GOLGA3: variants seen among roughly 807,000 people sequenced by gnomAD.
GOLGA3 encodes the protein golgin subfamily A member 3.
GOLGA3 carries 75 observed loss-of-function variants against 169.4 expected under a neutral mutation model. The observed-to-expected ratio is 0.44, with a 90% CI of 0.37 to 0.54. The LOEUF (loss-of-function observed/expected upper bound fraction) is 0.54, where lower values mean the gene tolerates loss of function less well. Among genes scored for constraint, GOLGA3 ranks in the 20% least tolerant of loss-of-function variants. The pLI is 0.00. For synonymous variants in GOLGA3, 824 were observed against 822.4 expected (o/e 1.00, Z -0.03); for missense variants, 1,899 against 1,930.0 (o/e 0.98, Z 0.30).
chr12:132,772,553 A>AAAAC lies in GOLGA3; in HGVS notation c.*551_*552insGTTT, dbSNP rs1555247690. On this transcript the variant is annotated 3_prime_UTR_variant, in exon 24 of 24. Transcript: ENST00000450791. ...AGCGAGACTCTGTCTCAAAAAAAAA[A>AAAAC]AAAAAAAAAAAACAAAGATTGGATT... is the stretch of plus-strand genomic sequence containing the variant. 5.9e-5 allele frequency: 9 copies of AAAAC among 151,366 alleles called. 1 individual carries two copies. The highest frequency in any genetic ancestry group is 1.5e-4 in the African/African-American group (6 of 40,950). The allele number at this position is 151,366 out of a possible 1,614,324, so 9.4% of individuals were successfully genotyped here.
At position 132,798,459 on chromosome 12, in the gene GOLGA3, C is replaced by T. The variant is rs750930512; in HGVS notation, c.1819G>A (p.Ala607Thr). 6 of 1,609,310 alleles carry T rather than the reference C, an allele frequency of 3.7e-6. No individual in the cohort carries two copies. In the Admixed American group the frequency reaches 1.0e-4, roughly 27 times the overall value. ...AHIQVGQMTQ[A>T]GLLEHLKLEN... ...AGTTTCAGGTGCTCCAGGAGACCTG[C>T]CTGGGTCATCTGTCCAACCTTAAAA... is the stretch of plus-strand genomic sequence containing the variant. The change falls in exon 9 of 24, where the codon GCA (alanine) becomes ACA (threonine). Residue 607 changes from alanine (A) to threonine (T), a missense_variant. Ala to Thr is a moderately conservative substitution (Grantham distance 58). Coordinates refer to ENST00000450791, the MANE Select transcript of GOLGA3 (RefSeq NM_001389683.1).
In GOLGA3 at chr12:132,804,665, A is replaced by G; in HGVS notation, c.1597+51T>C. The G allele has an allele frequency of 6.9e-7, 1 of 1,451,238 alleles. No individual in the cohort carries two copies. Among genetic ancestry groups the G allele is most frequent in the Non-Finnish European group, 9.5e-7 (1 of 1,049,548 alleles). The allele number at this position is 1,451,238 out of a possible 1,614,324, so 89.9% of individuals were successfully genotyped here. ...GGGGCCAGTCGAGGAAGGAGGAGGG[A>G]GCAGCAGGGACCAGTCAGGGAGGGG... On this transcript the variant is annotated intron_variant, in intron 7 of 23. Coordinates refer to ENST00000450791, the MANE Select transcript of GOLGA3 (RefSeq NM_001389683.1). This position sits in a 1 kb window ranked among gnomAD's most constrained non-coding sequence, Gnocchi z 4.1.
intron 3 of GOLGA3, among the ~76,000 whole-genome samples, chr12:132,814,639 C>T (rs1949876072): frequency 1.3e-5 from 2 of 152,236 alleles, no homozygotes; most frequent in South Asian, 4.1e-4. Context: ...TCTGGCGGTA[C>T]TCAAATGGCT....
At chr12:132,788,917 A>ACCGACCCCGCCC in intron 13 of GOLGA3, 110 bp downstream of exon 13, 1 of 311,264 alleles carries the variant, frequency 3.2e-6, no homozygotes, top group South Asian at 4.2e-5. Context: ...CCCGACCCAG[A>ACCGACCCCGCCC]CAGACCCCGC....
At chr12:132,776,042 T>G (rs955506979) in intron 21 of GOLGA3, among the ~76,000 whole-genome samples, 1 of 152,322 alleles carries the variant, frequency 6.6e-6, no homozygotes, top group African/African-American at 2.4e-5. Flanking sequence ...AGCGCCCCAC[T>G]GGACGAGGGC....
chr12:132,815,366 C>T (rs1949911464), intron 3 of GOLGA3, among the ~76,000 whole-genome samples: 1 of 152,204 alleles, frequency 6.6e-6, no homozygotes. Context: ...GTAGACCCAG[C>T]GCTGCTGCCC....
At chr12:132,813,720 CCTTTT>C (rs1475996623) in intron 3 of GOLGA3, among the ~76,000 whole-genome samples, 12 of 109,940 alleles carry the variant, frequency 1.1e-4, no homozygotes, top group Non-Finnish European at 2.1e-4. Context: ...GCAGCAAGTG[CCTTTT>C]TTTTTTTTTT....
At chr12:132,776,882 C>T (rs1566068434) in intron 20 of GOLGA3, 76 bp downstream of exon 20, 5 of 1,545,406 alleles carry the variant, frequency 3.2e-6, no homozygotes, top group Non-Finnish European at 4.4e-6. Context: ...CTGTTGCTCC[C>T]CAAGCAGGAT....
intron 11 of GOLGA3, among the ~76,000 whole-genome samples, chr12:132,794,892 T>A (rs968494337): frequency 1.3e-5 from 2 of 152,230 alleles, no homozygotes; most frequent in Middle Eastern, 3.4e-3. Flanking sequence ...TTGATCCTTA[T>A]AGAGTGGGAT....
chr12:132,827,628 T>C (rs1268940485), intron 1 of GOLGA3: 2 of 152,196 alleles, frequency 1.3e-5, no homozygotes, highest in African/African-American at 4.8e-5. Flanking sequence ...TGCTACTTCT[T>C]AAGGCAATCG....
chr12:132,791,234 T>C lies in GOLGA3; in HGVS notation c.2529A>G (p.Glu843=), dbSNP rs1254038877. Residue 843 remains glutamate (E), a synonymous_variant, in exon 12 of 24, where the codon GAA becomes GAG. Coordinates refer to ENST00000450791, the MANE Select transcript of GOLGA3 (RefSeq NM_001389683.1). ...ALKKQMQKIK[E]QFLQQKVMVE... ...TTTTTACCTTTTGTTGGAGAAACTG[T>C]TCCTTTATTTTTTGCATTTGCTTTT... 4 of 1,599,796 alleles carry C rather than the reference T, an allele frequency of 2.5e-6. No homozygotes were observed. The South Asian group carries it at 4.4e-5, about 18-fold the overall frequency.
intron 15 of GOLGA3, among the ~76,000 whole-genome samples, chr12:132,784,554 GAAGA>G (rs1159359422): frequency 6.6e-6 from 1 of 152,218 alleles, no homozygotes; most frequent in Admixed American, 6.5e-5. Flanking sequence ...CAAAAATACA[GAAGA>G]AAATCTGACC....
At chr12:132,778,362 C>CAGG (rs1477705423) in intron 18 of GOLGA3, among the ~76,000 whole-genome samples, 1 of 152,216 alleles carries the variant, frequency 6.6e-6, no homozygotes, top group South Asian at 2.1e-4. Context: ...ATCACGAGGT[C>CAGG]AGATCGAGAC....
chr12:132,807,774 C>CCCCAG, intron 5 of GOLGA3, 117 bp downstream of exon 5: 1 of 209,436 alleles, frequency 4.8e-6, no homozygotes. Context: ...ACCCCGCCCC[C>CCCCAG]TCTGTTGGCC....
intron 15 of GOLGA3, among the ~76,000 whole-genome samples, chr12:132,785,957 TG>T (rs2045875327): frequency 6.6e-6 from 1 of 152,222 alleles, no homozygotes; most frequent in African/African-American, 2.4e-5. Flanking sequence ...CCCTCACTCC[TG>T]CTTCTCAGTG....
At position 132,820,199 on chromosome 12, in the gene GOLGA3, C is replaced by T. The variant is rs958777160; in HGVS notation, c.133+1797G>A. On this transcript the variant is annotated intron_variant, in intron 2 of 23. Coordinates refer to ENST00000450791, the MANE Select transcript of GOLGA3 (RefSeq NM_001389683.1). ...CTCAAAAAAAAAAAAATCAGCTAGG[C>T]GTGCTGACACGCATCGATAGTCACC... 8.6e-5 allele frequency among the ~76,000 whole-genome samples: 13 copies of T among 151,806 alleles called. No individual in the cohort carries two copies. In the East Asian group the frequency reaches 2.3e-3, roughly 27 times the overall value.
intron 3 of GOLGA3, among the ~76,000 whole-genome samples, chr12:132,816,071 G>A (rs1449308729): frequency 6.6e-6 from 1 of 152,212 alleles, no homozygotes; most frequent in African/African-American, 2.4e-5. Context: ...GGTGGCGGGT[G>A]CATGTAGTCC....
Position 132,811,756 on chromosome 12 carries a change from C to T in GOLGA3, c.519+1551G>A, listed in dbSNP as rs368779124. The T allele has an allele frequency of 1.1e-4, 57 of 539,922 alleles. No homozygotes were observed. The East Asian group carries it at 2.3e-3, about 22-fold the overall frequency. The allele number at this position is 539,922 out of a possible 1,614,324, so 33.4% of individuals were successfully genotyped here. The stretch of plus-strand genomic sequence containing the variant: ...GGATTATAGGTGTGAGCCACTGCAC[C>T]CAGCCAGATTAAAGTATTTAAAAAC... On this transcript the variant is annotated intron_variant, in intron 4 of 23. Coordinates refer to ENST00000450791, the MANE Select transcript of GOLGA3 (RefSeq NM_001389683.1).
chr12:132,807,391 A>G (rs1949459279), intron 5 of GOLGA3, 103 bp from the exon 6 acceptor site: 2 of 578,192 alleles, frequency 3.5e-6, no homozygotes, highest in Admixed American at 3.3e-5. Context: ...CTCTCTCCCA[A>G]TTTTTTAAAA....
Sources: gnomAD v4.1 joint callset for allele counts (sites outside exome capture counted in the v4.1 genomes callset) on GRCh38, gnomAD v4.1.1 for gene constraint, Gnocchi (gnomAD v3.1) non-coding constraint, MANE v1.5 for transcripts, NCBI Gene and HGNC (gene_info 2026-07-23, HGNC 2026-07-21) for gene names.